Variants in TES observed in about 807,000 individuals in gnomAD.
The protein encoded by TES is testin.
A neutral mutation model predicts 48.2 loss-of-function variants in TES; 41 were observed. That is an observed-to-expected ratio of 0.85 (90% confidence interval 0.66 to 1.10). The LOEUF is 1.10. Ranked by LOEUF, TES falls within the 50% of genes least tolerant of loss-of-function variation. The pLI is 0.00. For missense variants in TES, 463 were observed against 515.1 expected, an observed-to-expected ratio of 0.90 and a Z score of 0.98; for synonymous variants, 162 against 174.9, an observed-to-expected ratio of 0.93 and a Z score of 0.58.
intron 2 of TES, chr7:116,237,893 T>C (rs1456166238): frequency 6.6e-6 from 1 of 152,210 alleles, no homozygotes; most frequent in African/African-American, 2.4e-5. Flanking sequence ...CCTTTTCTTA[T>C]AAGGTCACCT....
rs576832784 is a variant in TES, at chr7:116,252,573, G to A, written c.1077+97G>A. The stretch of plus-strand genomic sequence containing the variant: ...TCTTACAAATGGGAAACAGAAAGCA[G>A]TCCTCCTAAGTAGAAAGCAAATTAT... On this transcript the variant is annotated intron_variant, in intron 6 of 6. Transcript: ENST00000358204. The A allele has an allele frequency of 2.1e-4, 328 of 1,573,560 alleles. 3 individuals carry two copies. The Middle Eastern group carries it at 6.6e-3, about 32-fold the overall frequency.
intron 6 of TES, among the ~76,000 whole-genome samples, chr7:116,255,467 G>A (rs1194414959): frequency 1.3e-5 from 2 of 152,144 alleles, no homozygotes; most frequent in Non-Finnish European, 2.9e-5. Flanking sequence ...TGAATGAATG[G>A]TAATCAAATT....
At chr7:116,248,002 A>G (rs1389709969) in intron 2 of TES, among the ~76,000 whole-genome samples, 1 of 152,122 alleles carries the variant, frequency 6.6e-6, no homozygotes, top group Non-Finnish European at 1.5e-5. Flanking sequence ...AGTGTCTGTT[A>G]GTTCCATCTT....
chr7:116,218,045 C>A, intron 1 of TES: 1 of 430,076 alleles, frequency 2.3e-6, no homozygotes, highest in Non-Finnish European at 4.6e-6. Context: ...GGTGGGGAGT[C>A]GGCTCAGATT....
Position 116,250,468 on chromosome 7 carries a change from A to C in TES, c.674A>C (p.Lys225Thr). The change falls in exon 4 of 7, where the codon AAA (lysine) becomes ACA (threonine). Residue 225 changes from lysine to threonine, a missense_variant. Physicochemically the swap from Lys to Thr is moderately conservative, Grantham distance 78 (BLOSUM62 -1). Transcript: ENST00000358204. Reference protein sequence around the residue: ...TPAAVGAMEDKSAEHKRTQYS... With the variant: ...TPAAVGAMEDTSAEHKRTQYS... ...GCAGCAGTGGGGGCCATGGAGGACA[A>C]ATCTGCTGAGCACAAAAGAACTCAA... 6.4e-7 allele frequency: 1 copy of C among 1,569,700 alleles called. No homozygotes were observed. The highest frequency in any genetic ancestry group is 8.6e-7 in the Non-Finnish European group (1 of 1,160,402).
At chr7:116,212,939 G>A (rs1385215539) in intron 1 of TES, among the ~76,000 whole-genome samples, 1 of 152,064 alleles carries the variant, frequency 6.6e-6, no homozygotes, top group Non-Finnish European at 1.5e-5. Flanking sequence ...GTTTCACTAC[G>A]TTGTCTTCAC....
At position 116,227,411 on chromosome 7, in the gene TES, C is replaced by T. The variant is rs554424418; in HGVS notation, c.28-7123C>T. On this transcript the variant is annotated intron_variant, in intron 1 of 6. Coordinates refer to ENST00000358204, the MANE Select transcript of TES (RefSeq NM_015641.4). ...TGCTGGGATTACAGGCATGAGCCAC[C>T]GTGTCTGGCCAACCTACACTTTTTT... is the stretch of plus-strand genomic sequence containing the variant. Among the ~76,000 whole-genome samples, 4 of 152,172 alleles carry T rather than the reference C, an allele frequency of 2.6e-5. No individual in the cohort carries two copies. In the South Asian group the frequency reaches 8.3e-4, roughly 32 times the overall value.
chr7:116,244,254 T>C (rs1458794690), intron 2 of TES, among the ~76,000 whole-genome samples: 1 of 152,098 alleles, frequency 6.6e-6, no homozygotes, highest in Non-Finnish European at 1.5e-5. Context: ...GTCCAAAGTC[T>C]CATCTGAGAC....
At chr7:116,253,481 A>T (rs1800048513) in intron 6 of TES, among the ~76,000 whole-genome samples, 1 of 151,786 alleles carries the variant, frequency 6.6e-6, no homozygotes, top group South Asian at 2.1e-4. Flanking sequence ...CTCCACTTTC[A>T]TTCATCTTGC....
At chr7:116,231,873 T>C (rs1442175132) in intron 1 of TES, among the ~76,000 whole-genome samples, 1 of 151,824 alleles carries the variant, frequency 6.6e-6, no homozygotes, top group Non-Finnish European at 1.5e-5. Context: ...CCTGAACTAG[T>C]TTTTCAGGCT....
chr7:116,251,689 A>T (rs1346120445), intron 4 of TES, 71 bp from the exon 5 acceptor site: 18 of 1,425,056 alleles, frequency 1.3e-5, no homozygotes, highest in Non-Finnish European at 1.8e-5. Flanking sequence ...TCTCAAAAAA[A>T]AAAAAAGAAA....
intron 2 of TES, among the ~76,000 whole-genome samples, chr7:116,246,748 G>A (rs74519111): frequency 0.054 from 8,244 of 151,948 alleles, 282 homozygotes; most frequent in Non-Finnish European, 0.083. Context: ...TTCATACATC[G>A]TCCAGATCTC....
chr7:116,252,058 A>G (rs1274450402), intron 5 of TES, 83 bp downstream of exon 5: 2 of 1,380,000 alleles, frequency 1.4e-6, no homozygotes, highest in African/African-American at 2.9e-5. Context: ...ACAAGACTTG[A>G]CCAAACAGCA....
chr7:116,234,700 T>TA, intron 2 of TES, 81 bp downstream of exon 2: 1 of 1,131,894 alleles, frequency 8.8e-7, no homozygotes, highest in Non-Finnish European at 1.3e-6. Flanking sequence ...TATCTTCGAG[T>TA]TCTCCAGCAT....
rs200240977 is a variant in TES at position 116,210,692 on chromosome 7, C to T, written c.-16C>T. ...TCCCGGATAGGAGGAGGAGGGGACC[C>T]ATAGGACGCGTTAACATGGACCTGG... is the stretch of plus-strand genomic sequence containing the variant. On this transcript the variant is annotated 5_prime_UTR_variant, in exon 1 of 7. Coordinates refer to ENST00000358204, the MANE Select transcript of TES (RefSeq NM_015641.4). 6.9e-5 allele frequency: 89 copies of T among 1,288,852 alleles called. No homozygotes were observed. Among genetic ancestry groups the T allele is most frequent in the Admixed American group, 3.8e-5 (1 of 26,436 alleles). The allele number at this position is 1,288,852 out of a possible 1,614,324, so 79.8% of individuals were successfully genotyped here.
intron 1 of TES, among the ~76,000 whole-genome samples, chr7:116,219,540 A>G (rs3807962): frequency 0.12 from 18,237 of 152,106 alleles, 1,095 homozygotes; most frequent in South Asian, 0.19. Context: ...TCCTTCTTAG[A>G]TCAGTGAAGC....
intron 1 of TES, among the ~76,000 whole-genome samples, chr7:116,232,082 C>A (rs1045443795): frequency 6.6e-6 from 1 of 152,186 alleles, no homozygotes. Flanking sequence ...GTTCTAGTTA[C>A]ATTTGCTGAA....
Position 116,248,904 on chromosome 7 carries a change from C to A in TES, c.114-116C>A, listed in dbSNP as rs1799962672. On this transcript the variant is annotated intron_variant, in intron 2 of 6. Transcript: ENST00000358204. The stretch of plus-strand genomic sequence containing the variant: ...ATTCTCCCTCCTAAAAAAGGACTTG[C>A]CTTTGCATACCATGATATAGAATAG... The A allele has an allele frequency of 7.4e-6, 8 of 1,077,636 alleles. No homozygotes were observed. In the African/African-American group the frequency reaches 9.6e-5, roughly 13 times the overall value. 66.8% of individuals were successfully genotyped at this position (1,077,636 alleles called of 1,614,324 possible).
chr7:116,250,489 C>A lies in TES; in HGVS notation c.695C>A (p.Thr232Asn). Residue 232 changes from threonine (T) to asparagine (N), a missense_variant, in exon 4 of 7, where the codon ACT (threonine) becomes AAT (asparagine). Transcript: ENST00000358204. ...GACAAATCTGCTGAGCACAAAAGAA[C>A]TCAATATGTAAGTAGAGTGGTCACA... ...MEDKSAEHKR[T>N]QYSCYCCKLS... is the part of the protein sequence containing the mutation. The A allele has an allele frequency of 6.5e-7, 1 of 1,537,114 alleles. No individual in the cohort carries two copies. The highest frequency in any genetic ancestry group is 8.7e-7 in the Non-Finnish European group (1 of 1,145,126).
Sources: gnomAD v4.1 joint callset for allele counts (sites outside exome capture counted in the v4.1 genomes callset) on GRCh38, gnomAD v4.1.1 for gene constraint, MANE v1.5 for transcripts, NCBI Gene and HGNC (gene_info 2026-07-23, HGNC 2026-07-21) for gene names.